IRX6: variants seen among roughly 807,000 people sequenced by gnomAD.
IRX6 encodes iroquois-class homeodomain protein IRX-6.
In IRX6, 46 loss-of-function variants were observed where a neutral mutation model predicts 47.7. The ratio of observed to expected loss-of-function variants is 0.96; its 90% CI spans 0.76 to 1.23. IRX6 has a LOEUF of 1.23. Ranked by LOEUF, IRX6 falls within the 50% of genes most tolerant of loss-of-function variation. The probability of loss-of-function intolerance (pLI) is 0.00; values close to 1 mark genes in which losing one functional copy is unlikely to be tolerated. For missense variants in IRX6, 722 were observed against 588.0 expected, an observed-to-expected ratio of 1.23 and a Z score of -2.36; for synonymous variants, 265 against 246.2, an observed-to-expected ratio of 1.08 and a Z score of -0.72.
chr16:55,324,758 A>G lies in IRX6; in HGVS notation c.-334A>G. 2.6e-6 allele frequency: 1 copy of G among 378,060 alleles called. No individual in the cohort carries two copies. Among genetic ancestry groups the G allele is most frequent in the Non-Finnish European group, 4.9e-6 (1 of 205,006 alleles). 23.4% of individuals were successfully genotyped at this position (378,060 alleles called of 1,614,324 possible). A position where few individuals can be genotyped will look rare whatever the true frequency, so the allele number is the denominator to read the frequency against. On this transcript the variant is annotated 5_prime_UTR_variant, in exon 1 of 6. Coordinates refer to ENST00000290552, the MANE Select transcript of IRX6 (RefSeq NM_024335.3). The surrounding 1 kb of genome is among the most constrained non-coding windows in gnomAD (Gnocchi z 4.4). The stretch of plus-strand genomic sequence containing the variant: ...GAGCCTCTGGCCACCTTGGACTGGG[A>G]CACCTCCGGAGCCTCACAGCCCCGC...
chr16:55,328,779 G>A lies in IRX6; in HGVS notation c.801G>A (p.Glu267=), dbSNP rs774978136. Residue 267 remains glutamate, a synonymous_variant, in exon 5 of 6, where the codon GAG becomes GAA. Transcript: ENST00000290552. ...TGGAGGAAGAGGAGGAGGAGGAGGA[G>A]GAAGCTGAAGACGAGGAGGTAGTGG... ...EDLEEEEEEE[E]EAEDEEVVAT... is the part of the protein sequence containing the mutation. 12 of 1,612,952 alleles carry A rather than the reference G, an allele frequency of 7.4e-6. No homozygotes were observed. The highest frequency in any genetic ancestry group is 6.8e-6 in the Non-Finnish European group (8 of 1,179,958).
chr16:55,330,672 A>G lies in IRX6; in HGVS notation c.*367A>G, dbSNP rs1325985893. 9 of 349,886 alleles carry G rather than the reference A, an allele frequency of 2.6e-5. No homozygotes were observed. Among genetic ancestry groups the G allele is most frequent in the African/African-American group, 1.7e-4 (8 of 48,402 alleles). 21.7% of individuals were successfully genotyped at this position (349,886 alleles called of 1,614,324 possible). ...CCAACCCCACTCACTTTGTAACTTCATCACTGACCCGGCCAATAAGGACCC... is the reference window on the plus strand; with the variant it reads ...CCAACCCCACTCACTTTGTAACTTCGTCACTGACCCGGCCAATAAGGACCC... On this transcript the variant is annotated 3_prime_UTR_variant, in exon 6 of 6. Transcript: ENST00000290552.
intron 1 of IRX6, 109 bp from the exon 2 acceptor site, chr16:55,326,227 C>A (rs1249890867): frequency 9.3e-6 from 9 of 962,744 alleles, no homozygotes; most frequent in Non-Finnish European, 1.2e-5. Flanking sequence ...AAGGAGCAAT[C>A]TGATTATCTG....
In IRX6 at chr16:55,327,289, C is replaced by A. The variant is rs1960547594; in HGVS notation, c.304-7C>A. 1 of 1,604,352 alleles carries A rather than the reference C, an allele frequency of 6.2e-7. No homozygotes were observed. The highest frequency in any genetic ancestry group is 8.5e-7 in the Non-Finnish European group (1 of 1,171,186). Reference sequence around the variant, plus strand: ...TACTCCTGAATTCTCTTTTCCTCTCCCTCTAGAATCCACAGTATGAATTTA... The same window carrying A: ...TACTCCTGAATTCTCTTTTCCTCTCACTCTAGAATCCACAGTATGAATTTA... On this transcript the variant is annotated splice_region_variant and splice_polypyrimidine_tract_variant and intron_variant, in intron 2 of 5. Transcript: ENST00000290552.
intron 2 of IRX6, 128 bp from the exon 3 acceptor site, chr16:55,327,168 G>C: frequency 1.5e-6 from 1 of 676,822 alleles, no homozygotes; most frequent in Non-Finnish European, 2.7e-6. Context: ...CACTGGTTAA[G>C]CAACTGTGCC....
chr16:55,326,291 G>GGGT, intron 1 of IRX6, 45 bp from the exon 2 acceptor site: 1 of 1,438,862 alleles, frequency 6.9e-7, no homozygotes, highest in African/African-American at 1.5e-5. Context: ...GCGGGGGTGG[G>GGGT]GGGGGGGTCT....
At chr16:55,326,290 G>GA in intron 1 of IRX6, 46 bp from the exon 2 acceptor site, 5 of 1,429,654 alleles carry the variant, frequency 3.5e-6, no homozygotes, top group Non-Finnish European at 4.8e-6. Flanking sequence ...GGCGGGGGTG[G>GA]GGGGGGGGTC....
chr16:55,328,830 G>C lies in IRX6; in HGVS notation c.852G>C (p.Glu284Asp). ...VVATAGDRLT[E>D]FRKGAQSLPG... ...CCACAGCTGGGGACAGGCTGACGGA[G>C]TTCCGAAAGGGCGCGCAGTCACTGC... The change falls in exon 5 of 6, where the codon GAG becomes GAC. Residue 284 changes from glutamate to aspartate, a missense_variant. Physicochemically the swap from Glu to Asp is conservative, Grantham distance 45. Transcript: ENST00000290552. The C allele has an allele frequency of 6.2e-7, 1 of 1,612,950 alleles. No homozygotes were observed. Among genetic ancestry groups the C allele is most frequent in the Non-Finnish European group, 8.5e-7 (1 of 1,179,954 alleles).
intron 5 of IRX6, among the ~76,000 whole-genome samples, chr16:55,329,812 G>A (rs1288829631): frequency 3.3e-5 from 5 of 152,192 alleles, no homozygotes; most frequent in African/African-American, 1.2e-4. Context: ...CTTAAGTCCA[G>A]CTTGCAGCCC....
chr16:55,325,696 C>T (rs31080), intron 1 of IRX6: 47,787 of 152,498 alleles, frequency 0.31, 7,718 homozygotes, highest in East Asian at 0.38. Context: ...CCTACCCCTT[C>T]CTTGGGCGGG....
Position 55,327,323 on chromosome 16 carries a change from G to A in IRX6, c.331G>A (p.Ala111Thr). ...TCCACAGTATGAATTTAAGGAGGCTGCAGGGAGTTTTACATCCAGCCTGGC... is the reference window on the plus strand; with the variant it reads ...TCCACAGTATGAATTTAAGGAGGCTACAGGGAGTTTTACATCCAGCCTGGC... ...LNPQYEFKEA[A>T]GSFTSSLAQP... Residue 111 changes from alanine to threonine, a missense_variant, in exon 3 of 6, where the codon GCA becomes ACA. Physicochemically the swap from Ala to Thr is moderately conservative, Grantham distance 58. Transcript: ENST00000290552. The A allele has an allele frequency of 6.2e-7, 1 of 1,613,842 alleles. No homozygotes were observed. Among genetic ancestry groups the A allele is most frequent in the Non-Finnish European group, 8.5e-7 (1 of 1,179,766 alleles).
chr16:55,326,291 G>GGT (rs772305476), intron 1 of IRX6, 45 bp from the exon 2 acceptor site: 2 of 1,438,746 alleles, frequency 1.4e-6, no homozygotes, highest in Non-Finnish European at 1.9e-6. Flanking sequence ...GCGGGGGTGG[G>GGT]GGGGGGGTCT....
rs146462326 is a variant in IRX6, at chr16:55,326,421, C to T, written c.131C>T (p.Ala44Val). The change falls in exon 2 of 6, where the codon GCG (alanine) becomes GTG (valine). Residue 44 changes from alanine to valine, a missense_variant. Physicochemically the swap from Ala to Val is moderately conservative, Grantham distance 64. Coordinates refer to ENST00000290552, the MANE Select transcript of IRX6 (RefSeq NM_024335.3). ...VSDVASGSTP[A>V]PALCCAPYDS... ...GATGTGGCATCAGGCTCCACCCCAG[C>T]GCCCGCTCTCTGCTGCGCACCCTAC... The T allele has an allele frequency of 6.1e-5, 99 of 1,613,932 alleles. No individual in the cohort carries two copies. The highest frequency in any genetic ancestry group is 4.9e-4 in the Middle Eastern group (3 of 6,084).
Position 55,329,259 on chromosome 16 carries a change from C to G in IRX6, c.1281C>G (p.Cys427Trp), listed in dbSNP as rs1351270079. The change falls in exon 5 of 6, where the codon TGC (cysteine) becomes TGG (tryptophan). Residue 427 changes from cysteine (C) to tryptophan (W), a missense_variant. Coordinates refer to ENST00000290552, the MANE Select transcript of IRX6 (RefSeq NM_024335.3). ...GACTACCGCTGAACTGTGCGCCGTG[C>G]CCGCGGAGGAGCGAGCCTGTAGTGC... Reference protein sequence around the residue: ...LQGLPLNCAPCPRRSEPVVQC... With the variant: ...LQGLPLNCAPWPRRSEPVVQC... 4.3e-6 allele frequency: 7 copies of G among 1,613,178 alleles called. No individual in the cohort carries two copies. The highest frequency in any genetic ancestry group is 1.1e-5 in the South Asian group (1 of 91,078).
Position 55,328,873 on chromosome 16 carries a change from G to A in IRX6, c.895G>A (p.Ala299Thr). ...GTCACTGCCTGGGCCGTGCGCTGCAGCTCGAGAGGGCCGATTGGAGCGCAG... is the reference window on the plus strand; with the variant it reads ...GTCACTGCCTGGGCCGTGCGCTGCAACTCGAGAGGGCCGATTGGAGCGCAG... ...AQSLPGPCAA[A>T]REGRLERREC... The change falls in exon 5 of 6, where the codon GCT becomes ACT. Residue 299 changes from alanine (A) to threonine (T), a missense_variant. Transcript: ENST00000290552. 2 of 1,612,988 alleles carry A rather than the reference G, an allele frequency of 1.2e-6. No homozygotes were observed. The highest frequency in any genetic ancestry group is 1.7e-6 in the Non-Finnish European group (2 of 1,179,962).
Position 55,329,314 on chromosome 16 carries a change from A to T in IRX6, c.1333+3A>T, listed in dbSNP as rs749170370. Reference sequence around the variant, plus strand: ...CCAGTACCCGTCTGGAGCAGAAGGTAGTGGGCCCCCAGCGGCGCTGGGAGT... The same window carrying T: ...CCAGTACCCGTCTGGAGCAGAAGGTTGTGGGCCCCCAGCGGCGCTGGGAGT... On this transcript the variant is annotated splice_donor_region_variant and intron_variant, in intron 5 of 5. Transcript: ENST00000290552. 6.3e-7 allele frequency: 1 copy of T among 1,591,942 alleles called. No individual in the cohort carries two copies. Among genetic ancestry groups the T allele is most frequent in the South Asian group, 1.1e-5 (1 of 90,684 alleles).
At chr16:55,328,565 C>A (rs1175348079) in intron 4 of IRX6, 135 bp from the exon 5 acceptor site, 6 of 877,616 alleles carry the variant, frequency 6.8e-6, no homozygotes, top group Non-Finnish European at 1.1e-5. Flanking sequence ...AGGGGTGGTA[C>A]GGCAGGTCTG....
rs771019227 is a variant in IRX6, at chr16:55,329,075, C to T, written c.1097C>T (p.Ala366Val). ...GCGACAGCCAGCGCTGTTGAAGGTG[C>T]ACCCCCAGCCCGGCCTAGGCCACGA... is the stretch of plus-strand genomic sequence containing the variant. ...HTATASAVEGAPPARPRPRSP... is the reference protein window; with the variant it reads ...HTATASAVEGVPPARPRPRSP... Residue 366 changes from alanine to valine, a missense_variant, in exon 5 of 6, where the codon GCA (alanine) becomes GTA (valine). By Grantham distance (64) the Ala-to-Val change is moderately conservative (BLOSUM62 0). Coordinates refer to ENST00000290552, the MANE Select transcript of IRX6 (RefSeq NM_024335.3). 9 of 1,614,104 alleles carry T rather than the reference C, an allele frequency of 5.6e-6. No homozygotes were observed. Among genetic ancestry groups the T allele is most frequent in the Non-Finnish European group, 7.6e-6 (9 of 1,180,048 alleles).
At position 55,325,135 on chromosome 16, in the gene IRX6, A is replaced by G. The variant is rs1258134115; in HGVS notation, c.44A>G (p.Gln15Arg). The G allele has an allele frequency of 3.0e-5, 49 of 1,613,696 alleles. No individual in the cohort carries two copies. The highest frequency in any genetic ancestry group is 4.2e-5 in the Non-Finnish European group (49 of 1,179,962). ...GGACACCCGTACCGCGGCGCTTCCCAGGTAAGAGGCGCCTCTATGGGGGAT... is the reference window on the plus strand; with the variant it reads ...GGACACCCGTACCGCGGCGCTTCCCGGGTAAGAGGCGCCTCTATGGGGGAT... The part of the protein sequence containing the change: ...HFGHPYRGAS[Q>R]FLASASSSTT... Residue 15 changes from glutamine (Q) to arginine (R), a missense_variant and splice_region_variant, in exon 1 of 6, where the codon CAG (glutamine) becomes CGG (arginine). By Grantham distance (43) the Gln-to-Arg change is conservative. Coordinates refer to ENST00000290552, the MANE Select transcript of IRX6 (RefSeq NM_024335.3).
Sources: allele counts gnomAD v4.1 joint callset (sites outside exome capture counted in the v4.1 genomes callset), GRCh38; gene constraint gnomAD v4.1.1; non-coding constraint Gnocchi (gnomAD v3.1); transcripts MANE v1.5; gene names NCBI Gene and HGNC (gene_info 2026-07-23, HGNC 2026-07-21).